The following TBC1D12 variants were observed in gnomAD, a reference collection of about 807,000 sequenced individuals.
TBC1D12 encodes the protein TBC1 domain family member 12, also known as TBC1 domain family, member 12.
In TBC1D12, 56 loss-of-function variants were observed where a neutral mutation model predicts 86.7. That is an observed-to-expected ratio of 0.65 (90% CI 0.52 to 0.81). The LOEUF (loss-of-function observed/expected upper bound fraction) is 0.81. Among genes scored for constraint, TBC1D12 ranks in the 30% least tolerant of loss-of-function variants. The pLI is 0.00. For synonymous variants in TBC1D12, 421 were observed against 411.7 expected, an observed-to-expected ratio of 1.02 and a Z score of -0.27; for missense variants, 1,023 against 1,038.8, an observed-to-expected ratio of 0.98 and a Z score of 0.21.
At chr10:94,403,917 T>C (rs576618060) in intron 1 of TBC1D12, among the ~76,000 whole-genome samples, 103 of 144,522 alleles carry the variant, frequency 7.1e-4, no homozygotes, top group African/African-American at 2.9e-3. Flanking sequence ...GCAGTTGCCT[T>C]TTCTGGAAAA....
At chr10:94,430,413 T>A (rs985560908) in intron 1 of TBC1D12, among the ~76,000 whole-genome samples, 1 of 152,202 alleles carries the variant, frequency 6.6e-6, no homozygotes, top group African/African-American at 2.4e-5. Context: ...CATTCCTTTA[T>A]CTCAGATACG....
chr10:94,519,739 T>C (rs1842090803), intron 9 of TBC1D12, among the ~76,000 whole-genome samples: 1 of 152,174 alleles, frequency 6.6e-6, no homozygotes, highest in African/African-American at 2.4e-5. Flanking sequence ...CATGGGCCTA[T>C]AGCTCCATCT....
chr10:94,517,904 G>C (rs1842041811), intron 9 of TBC1D12, among the ~76,000 whole-genome samples: 2 of 152,158 alleles, frequency 1.3e-5, no homozygotes, highest in East Asian at 3.9e-4. Context: ...TGTAATCCCA[G>C]CATTTTGGGA....
intron 3 of TBC1D12, among the ~76,000 whole-genome samples, chr10:94,477,613 C>G (rs941417054): frequency 4.6e-5 from 7 of 152,140 alleles, no homozygotes; most frequent in Non-Finnish European, 8.8e-5. Flanking sequence ...GCCCAAGAAG[C>G]TAGAACAGAG....
chr10:94,473,898 TAGA>T (rs1476431165), intron 2 of TBC1D12, among the ~76,000 whole-genome samples: 3 of 152,226 alleles, frequency 2.0e-5, no homozygotes, highest in Non-Finnish European at 4.4e-5. Flanking sequence ...TTGGATGAAT[TAGA>T]AGAATACTAT....
chr10:94,474,586 T>C, intron 2 of TBC1D12, 82 bp from the exon 3 acceptor site: 1 of 959,742 alleles, frequency 1.0e-6, no homozygotes, highest in Non-Finnish European at 1.6e-6. Context: ...CATTATAGCA[T>C]AATATTTTTA....
At chr10:94,458,914 A>C (rs971194092) in intron 2 of TBC1D12, among the ~76,000 whole-genome samples, 1 of 152,200 alleles carries the variant, frequency 6.6e-6, no homozygotes, top group African/African-American at 2.4e-5. Context: ...GCAGACCCAA[A>C]GAATGAGCAG....
intron 2 of TBC1D12, among the ~76,000 whole-genome samples, chr10:94,448,874 A>G (rs1223686308): frequency 6.6e-6 from 1 of 152,218 alleles, no homozygotes; most frequent in Non-Finnish European, 1.5e-5. Flanking sequence ...GAATAACTAC[A>G]CTTCTAGTTG....
chr10:94,497,821 C>CTT (rs796259533), intron 5 of TBC1D12, among the ~76,000 whole-genome samples: 16 of 100,170 alleles, frequency 1.6e-4, no homozygotes, highest in Non-Finnish European at 2.1e-4. Context: ...ACTGTGTTTT[C>CTT]TTTTTTTTTT....
intron 1 of TBC1D12, among the ~76,000 whole-genome samples, chr10:94,407,910 G>A (rs566218637): frequency 1.3e-5 from 2 of 152,276 alleles, no homozygotes; most frequent in South Asian, 2.1e-4. Flanking sequence ...AGGCTGCAGT[G>A]AGCCATGATT....
At chr10:94,422,443 C>T (rs866525775) in intron 1 of TBC1D12, among the ~76,000 whole-genome samples, 137 of 152,220 alleles carry the variant, frequency 9.0e-4, no homozygotes, top group African/African-American at 2.6e-3. Context: ...CTGCCTCAGC[C>T]TCCTAAAGTG....
chr10:94,498,296 C>T (rs1038804490), intron 5 of TBC1D12, among the ~76,000 whole-genome samples: 1 of 151,878 alleles, frequency 6.6e-6, no homozygotes, highest in African/African-American at 2.4e-5. Flanking sequence ...ATGATCTTTC[C>T]CTTATGTAAA....
At chr10:94,511,762 G>A (rs765770262) in intron 9 of TBC1D12, 108 bp downstream of exon 9, 41 of 790,648 alleles carry the variant, frequency 5.2e-5, no homozygotes, top group Admixed American at 1.4e-4. Flanking sequence ...TTCTATGTCT[G>A]TTTTTCTTAG....
intron 12 of TBC1D12, 48 bp downstream of exon 12, chr10:94,531,508 C>T (rs1293431240): frequency 1.3e-6 from 2 of 1,496,122 alleles, no homozygotes; most frequent in African/African-American, 1.4e-5. Flanking sequence ...AAGCAGTTGA[C>T]TTATTGTAAA....
In TBC1D12 at chr10:94,497,129, A is replaced by G. The variant is rs761177663; in HGVS notation, c.1369A>G (p.Met457Val). Residue 457 changes from methionine (M) to valine (V), a missense_variant, in exon 5 of 13, where the codon ATG (methionine) becomes GTG (valine). Transcript: ENST00000225235. ...FKQEENIASA[M>V]VIWINEILPN... ...GCAGGAAGAAAATATTGCAAGTGCAATGGTAATTTGGATCAATGAAATACT... is the reference window on the plus strand; with the variant it reads ...GCAGGAAGAAAATATTGCAAGTGCAGTGGTAATTTGGATCAATGAAATACT... The G allele has an allele frequency of 4.5e-6, 7 of 1,562,374 alleles. No individual in the cohort carries two copies. Among genetic ancestry groups the G allele is most frequent in the Admixed American group, 2.1e-5 (1 of 48,056 alleles).
At chr10:94,459,109 CCATTTTACAGAGAGCTGATTG>C (rs1401183858) in intron 2 of TBC1D12, among the ~76,000 whole-genome samples, 2 of 150,850 alleles carry the variant, frequency 1.3e-5, no homozygotes, top group African/African-American at 2.4e-5. Flanking sequence ...GCTGATTGGT[CCATTTTACAGAGAGCTGATTG>C]GTCCATTTTG....
Position 94,402,972 on chromosome 10 carries a change from C to A in TBC1D12, c.359C>A (p.Ala120Glu). The A allele has an allele frequency of 6.3e-7, 1 of 1,575,270 alleles. No homozygotes were observed. The highest frequency in any genetic ancestry group is 1.4e-5 in the African/African-American group (1 of 70,822). The change falls in exon 1 of 13, where the codon GCG becomes GAG. Residue 120 changes from alanine (A) to glutamate (E), a missense_variant. Transcript: ENST00000225235. Reference sequence around the variant, plus strand: ...GGCTCGGGCTCCAAACACCGCGGCGCGGAGGTGGCTGATGGCCGCGCGCCG... The same window carrying A: ...GGCTCGGGCTCCAAACACCGCGGCGAGGAGGTGGCTGATGGCCGCGCGCCG... ...LLGSGSKHRG[A>E]EVADGRAPRH...
rs1180844920 is a variant in TBC1D12 at position 94,534,616 on chromosome 10, T to G, written c.*1520T>G. 6.6e-6 allele frequency: 1 copy of G among 152,224 alleles called. No homozygotes were observed. Among genetic ancestry groups the G allele is most frequent in the Non-Finnish European group, 1.5e-5 (1 of 68,030 alleles). The allele number at this position is 152,224 out of a possible 1,614,324, so 9.4% of individuals were successfully genotyped here. Reference sequence around the variant, plus strand: ...CATGATTGAATCATTATTTGATGAATTCTTTCATTGTAACATAGGGAGTCA... The same window carrying G: ...CATGATTGAATCATTATTTGATGAAGTCTTTCATTGTAACATAGGGAGTCA... On this transcript the variant is annotated 3_prime_UTR_variant, in exon 13 of 13. Coordinates refer to ENST00000225235, the MANE Select transcript of TBC1D12 (RefSeq NM_015188.2).
At chr10:94,509,773 T>G (rs960847564) in intron 7 of TBC1D12, 1 of 286,968 alleles carries the variant, frequency 3.5e-6, no homozygotes, top group South Asian at 3.5e-5. Context: ...TGTCCATAGC[T>G]CTCTGATGAT....
Sources: allele counts gnomAD v4.1 joint callset (sites outside exome capture counted in the v4.1 genomes callset), GRCh38; gene constraint gnomAD v4.1.1; transcripts MANE v1.5; gene names NCBI Gene and HGNC (gene_info 2026-07-23, HGNC 2026-07-21).